TTC29: variants seen among roughly 807,000 people sequenced by gnomAD.
TTC29 encodes the protein tetratricopeptide repeat protein 29.
TTC29 carries 49 observed loss-of-function variants against 58.1 expected under a neutral mutation model. The observed-to-expected ratio is 0.84, with a 90% CI of 0.67 to 1.07. The LOEUF is 1.07. Among genes scored for constraint, TTC29 ranks in the 50% least tolerant of loss-of-function variants. The pLI, the probability that TTC29 is intolerant of heterozygous loss-of-function variation, is 0.00. For missense variants in TTC29, 582 were observed against 555.6 expected, an observed-to-expected ratio of 1.05 and a Z score of -0.48; for synonymous variants, 209 against 196.8, an observed-to-expected ratio of 1.06 and a Z score of -0.52.
chr4:146,810,034 C>A (rs559594791), intron 10 of TTC29, among the ~76,000 whole-genome samples: 3 of 152,122 alleles, frequency 2.0e-5, no homozygotes, highest in African/African-American at 7.2e-5. Flanking sequence ...CAATGATAGA[C>A]TGGATAAAGA....
At position 146,907,852 on chromosome 4, in the gene TTC29, G is replaced by T. The variant is rs183483951; in HGVS notation, c.400+1174C>A. Among the ~76,000 whole-genome samples the T allele has an allele frequency of 3.6e-3, 555 of 152,114 alleles. 3 individuals carry two copies. The highest frequency in any genetic ancestry group is 0.014 in the Middle Eastern group (4 of 294). On this transcript the variant is annotated intron_variant, in intron 5 of 12. Coordinates refer to ENST00000325106, the MANE Select transcript of TTC29 (RefSeq NM_031956.4). ...TTTTATTTACAATAGTTAATTTCTT[G>T]AGAAATAATTGTAAATAATATTTTA...
At chr4:146,778,521 T>A (rs73852703) in intron 11 of TTC29, among the ~76,000 whole-genome samples, 19,117 of 152,138 alleles carry the variant, frequency 0.13, 1,996 homozygotes, top group African/African-American at 0.28. Flanking sequence ...GTCAATTTTT[T>A]AAAATGTTTC....
chr4:146,722,923 C>T (rs1392214544), intron 11 of TTC29, among the ~76,000 whole-genome samples: 1 of 152,096 alleles, frequency 6.6e-6, no homozygotes, highest in East Asian at 1.9e-4. Context: ...GTCTCAAACT[C>T]CTGAGCTCAA....
intron 11 of TTC29, among the ~76,000 whole-genome samples, chr4:146,708,931 G>C (rs1286133871): frequency 6.6e-6 from 1 of 152,044 alleles, no homozygotes. Context: ...TGCACCTGAA[G>C]ATGGGTTGGT....
At chr4:146,753,366 C>A (rs1170553371) in intron 11 of TTC29, among the ~76,000 whole-genome samples, 1 of 152,188 alleles carries the variant, frequency 6.6e-6, no homozygotes, top group East Asian at 1.9e-4. Flanking sequence ...CATCTCACAC[C>A]AGTTAGAATG....
intron 8 of TTC29, among the ~76,000 whole-genome samples, chr4:146,843,203 T>C (rs1245639669): frequency 7.4e-6 from 1 of 134,824 alleles, no homozygotes; most frequent in Non-Finnish European, 1.6e-5. Context: ...ACTTAAAGGC[T>C]CTTACATACT....
At chr4:146,833,598 G>A (rs919425913) in intron 9 of TTC29, among the ~76,000 whole-genome samples, 15 of 152,116 alleles carry the variant, frequency 9.9e-5, no homozygotes, top group African/African-American at 3.1e-4. Context: ...AAAATAATAC[G>A]AAGGAGGCAC....
chr4:146,861,514 G>C (rs2150199938), intron 8 of TTC29, among the ~76,000 whole-genome samples: 1 of 152,188 alleles, frequency 6.6e-6, no homozygotes, highest in Non-Finnish European at 1.5e-5. Context: ...ACTAGTAGGT[G>C]TTTCAGTCCT....
chr4:146,845,961 A>C (rs1185960932), intron 8 of TTC29, among the ~76,000 whole-genome samples: 1 of 152,112 alleles, frequency 6.6e-6, no homozygotes, highest in Non-Finnish European at 1.5e-5. Flanking sequence ...TTTGCTCTCC[A>C]TTGTGCCTCT....
At chr4:146,819,885 G>C in intron 10 of TTC29, among the ~76,000 whole-genome samples, 1 of 152,070 alleles carries the variant, frequency 6.6e-6, no homozygotes, top group East Asian at 1.9e-4. Context: ...TATGAATCAG[G>C]GTTAGCAGCT....
chr4:146,748,451 A>G (rs1289188113), intron 11 of TTC29, among the ~76,000 whole-genome samples: 1 of 152,146 alleles, frequency 6.6e-6, no homozygotes, highest in Non-Finnish European at 1.5e-5. Context: ...ACCCAGCACC[A>G]CTGTGACTGC....
chr4:146,723,782 A>T (rs1171318047), intron 11 of TTC29, among the ~76,000 whole-genome samples: 1 of 152,184 alleles, frequency 6.6e-6, no homozygotes, highest in Non-Finnish European at 1.5e-5. Flanking sequence ...GTTGGTGGGA[A>T]TGTAAATTAG....
At chr4:146,758,849 G>C (rs2150058651) in intron 11 of TTC29, among the ~76,000 whole-genome samples, 1 of 152,190 alleles carries the variant, frequency 6.6e-6, no homozygotes, top group Middle Eastern at 3.4e-3. Context: ...GCAGTGCTAA[G>C]AGGAAAGTTC....
At chr4:146,898,560 C>G (rs1016207380) in intron 6 of TTC29, among the ~76,000 whole-genome samples, 1 of 152,192 alleles carries the variant, frequency 6.6e-6, no homozygotes, top group African/African-American at 2.4e-5. Context: ...TAAAGTCATA[C>G]AGGAGGGTCT....
chr4:146,865,695 T>C (rs1730519862), intron 8 of TTC29, among the ~76,000 whole-genome samples: 1 of 152,198 alleles, frequency 6.6e-6, no homozygotes, highest in Non-Finnish European at 1.5e-5. Flanking sequence ...GAGACTCGTC[T>C]ATAGTTAATA....
At chr4:146,931,082 G>A (rs1001236663) in intron 4 of TTC29, among the ~76,000 whole-genome samples, 2 of 152,014 alleles carry the variant, frequency 1.3e-5, no homozygotes, top group East Asian at 3.9e-4. Context: ...ATGGCTCACA[G>A]CTGTAATGCC....
chr4:146,801,371 G>A (rs1183370612), intron 11 of TTC29, among the ~76,000 whole-genome samples: 1 of 152,144 alleles, frequency 6.6e-6, no homozygotes, highest in Non-Finnish European at 1.5e-5. Flanking sequence ...CCAGTAGTAT[G>A]AGAATTAATT....
chr4:146,828,449 T>C (rs576671594), intron 9 of TTC29, among the ~76,000 whole-genome samples: 1 of 152,222 alleles, frequency 6.6e-6, no homozygotes, highest in Admixed American at 6.5e-5. Flanking sequence ...CATGATGATT[T>C]CTCTGAATAT....
At chr4:146,774,485 A>C (rs532157639) in intron 11 of TTC29, among the ~76,000 whole-genome samples, 75 of 152,216 alleles carry the variant, frequency 4.9e-4, no homozygotes, top group African/African-American at 1.7e-3. Context: ...GTTTACCCAA[A>C]AGTCATTCAG....
Sources: gnomAD v4.1 joint callset for allele counts (sites outside exome capture counted in the v4.1 genomes callset) on GRCh38, gnomAD v4.1.1 for gene constraint, MANE v1.5 for transcripts, NCBI Gene and HGNC (gene_info 2026-07-23, HGNC 2026-07-21) for gene names.